Variants in TTK observed in about 807,000 individuals in gnomAD.
The protein encoded by TTK is dual specificity protein kinase TTK.
Under a neutral mutation model 117.3 loss-of-function variants are expected in TTK, and 59 were observed. The ratio of observed to expected loss-of-function variants is 0.50; its 90% CI spans 0.41 to 0.62. TTK has a LOEUF of 0.62. Ranked by LOEUF, TTK falls within the 20% of genes least tolerant of loss-of-function variation. The pLI, the probability that TTK is intolerant of heterozygous loss-of-function variation, is 0.00. For synonymous variants in TTK, 302 were observed against 325.0 expected, an observed-to-expected ratio of 0.93 and a Z score of 0.76; for missense variants, 921 against 989.4, an observed-to-expected ratio of 0.93 and a Z score of 0.93.
rs758133109 is a variant in TTK, at chr6:80,042,250, CT to C, written c.*49del. 6.6e-4 allele frequency: 917 copies of C among 1,399,016 alleles called. 5 individuals carry two copies. The Middle Eastern group carries it at 0.012, about 18-fold the overall frequency. 86.7% of individuals were successfully genotyped at this position (1,399,016 alleles called of 1,614,324 possible). ...GATACCACCTATAAAATATATTGGACTGTTATACTCTTGAATCCCTGTGGAA... is the reference window on the plus strand; with the variant it reads ...GATACCACCTATAAAATATATTGGACGTTATACTCTTGAATCCCTGTGGAA... On this transcript the variant is annotated 3_prime_UTR_variant, in exon 22 of 22. Transcript: ENST00000369798.
chr6:80,031,675 G>A, intron 14 of TTK, 116 bp downstream of exon 14: 1 of 647,422 alleles, frequency 1.5e-6, no homozygotes, highest in Non-Finnish European at 2.4e-6. Flanking sequence ...TGCTGCCCTT[G>A]AGCCAAAAAG....
intron 18 of TTK, 114 bp downstream of exon 18, chr6:80,038,161 T>G: frequency 1.7e-6 from 1 of 581,652 alleles, no homozygotes; most frequent in Non-Finnish European, 2.7e-6. Flanking sequence ...TTTTAGGCCA[T>G]TACAGAGACA....
chr6:80,010,852 G>A lies in TTK; in HGVS notation c.508G>A (p.Val170Ile). ...KKSKQLLQKA[V>I]ERGAVPLEML... Reference sequence around the variant, plus strand: ...AAGTAAACAACTTCTTCAAAAAGCTGTAGAACGTGGAGCAGTACCACTAGA... The same window carrying A: ...AAGTAAACAACTTCTTCAAAAAGCTATAGAACGTGGAGCAGTACCACTAGA... Residue 170 changes from valine (V) to isoleucine (I), a missense_variant, in exon 5 of 22, where the codon GTA becomes ATA. Physicochemically the swap from Val to Ile is conservative, Grantham distance 29 (BLOSUM62 3). Transcript: ENST00000369798. 1 of 1,611,938 alleles carries A rather than the reference G, an allele frequency of 6.2e-7. No individual in the cohort carries two copies. Among genetic ancestry groups the A allele is most frequent in the East Asian group, 2.2e-5 (1 of 44,828 alleles).
chr6:80,007,743 G>T (rs1479971807), intron 2 of TTK, 66 bp from the exon 3 acceptor site: 2 of 1,353,112 alleles, frequency 1.5e-6, no homozygotes, highest in Non-Finnish European at 2.0e-6. Context: ...ATATTTTGAA[G>T]GAAAAATGCA....
intron 9 of TTK, 115 bp downstream of exon 9, chr6:80,013,481 T>C (rs239563): frequency 0.59 from 470,624 of 795,666 alleles, 141,182 homozygotes; most frequent in Admixed American, 0.76. Flanking sequence ...TCTCCAACAG[T>C]GTTCCACATA....
At chr6:80,033,722 G>T (rs1715579855) in intron 14 of TTK, among the ~76,000 whole-genome samples, 1 of 152,076 alleles carries the variant, frequency 6.6e-6, no homozygotes, top group African/African-American at 2.4e-5. Flanking sequence ...ATTGCATAAG[G>T]CTGTCTTATT....
intron 14 of TTK, among the ~76,000 whole-genome samples, chr6:80,034,186 G>A (rs560426100): frequency 1.3e-5 from 2 of 152,252 alleles, no homozygotes; most frequent in South Asian, 4.1e-4. Context: ...TGCTTTGCCT[G>A]TTTCAGAGTT....
At position 80,034,968 on chromosome 6, in the gene TTK, T is replaced by C. The variant is rs1323029066; in HGVS notation, c.1615-17T>C. 6.7e-7 allele frequency: 1 copy of C among 1,493,004 alleles called. No individual in the cohort carries two copies. The highest frequency in any genetic ancestry group is 8.9e-7 in the Non-Finnish European group (1 of 1,122,370). 92.5% of individuals were successfully genotyped at this position (1,493,004 alleles called of 1,614,324 possible). On this transcript the variant is annotated splice_polypyrimidine_tract_variant and intron_variant, in intron 14 of 21. Transcript: ENST00000369798. ...ATAAATAGTATATTCTAAACTTCTC[T>C]TTGTTCTACTCTGTAGGTATTTCAG...
chr6:80,033,346 A>G (rs1387021769), intron 14 of TTK, among the ~76,000 whole-genome samples: 3 of 152,060 alleles, frequency 2.0e-5, no homozygotes, highest in African/African-American at 7.2e-5. Flanking sequence ...CACACTGTAA[A>G]ACTTCAACTC....
At chr6:80,040,942 T>C (rs538285936) in intron 21 of TTK, among the ~76,000 whole-genome samples, 1 of 151,938 alleles carries the variant, frequency 6.6e-6, no homozygotes, top group Non-Finnish European at 1.5e-5. Flanking sequence ...ATTCAAAAGA[T>C]TGCTGTCACG....
chr6:80,033,005 T>A (rs1767799408), intron 14 of TTK, among the ~76,000 whole-genome samples: 2 of 152,326 alleles, frequency 1.3e-5, no homozygotes, highest in Non-Finnish European at 2.9e-5. Context: ...CTCTGCAATA[T>A]TGAAATGTAT....
chr6:80,018,626 CAAAA>C (rs398048650), intron 10 of TTK, among the ~76,000 whole-genome samples: 4 of 87,360 alleles, frequency 4.6e-5, no homozygotes, highest in African/African-American at 4.2e-5. Flanking sequence ...GACTCCGTCT[CAAAA>C]AAAAAAAAAA....
intron 14 of TTK, among the ~76,000 whole-genome samples, chr6:80,033,047 C>T (rs1161531608): frequency 6.6e-6 from 1 of 152,126 alleles, no homozygotes; most frequent in Non-Finnish European, 1.5e-5. Flanking sequence ...GCATGCTATG[C>T]TAATCATCTA....
At chr6:80,023,869 G>C (rs1451106616) in intron 11 of TTK, among the ~76,000 whole-genome samples, 1 of 152,188 alleles carries the variant, frequency 6.6e-6, no homozygotes, top group African/African-American at 2.4e-5. Context: ...TATTGTCATA[G>C]TAAGATCTCT....
chr6:80,039,830 A>G lies in TTK; in HGVS notation c.2265A>G (p.Glu755=). Residue 755 remains glutamate (E), a synonymous_variant, in exon 19 of 22, where the codon GAA becomes GAG. Transcript: ENST00000369798. ...HAIIDPNHEI[E]FPDIPEKDLQ... is the part of the protein sequence containing the mutation. The stretch of plus-strand genomic sequence containing the variant: ...TAATTGATCCTAATCATGAAATTGA[A>G]TTTCCCGATATTCCAGAGAAAGATC... 2.5e-6 allele frequency: 4 copies of G among 1,586,430 alleles called. No homozygotes were observed. The highest frequency in any genetic ancestry group is 3.4e-6 in the Non-Finnish European group (4 of 1,168,616).
intron 10 of TTK, among the ~76,000 whole-genome samples, chr6:80,019,061 C>T (rs1420788386): frequency 6.6e-6 from 1 of 152,066 alleles, no homozygotes; most frequent in African/African-American, 2.4e-5. Context: ...TTTTTTATCT[C>T]CTTTGTCTAT....
chr6:80,013,698 G>A (rs1367975267), intron 9 of TTK: 1 of 170,928 alleles, frequency 5.9e-6, no homozygotes, highest in African/African-American at 2.4e-5. Flanking sequence ...TTTGTTTTTT[G>A]TTATGTTTAA....
intron 10 of TTK, among the ~76,000 whole-genome samples, chr6:80,016,965 C>CT (rs1767323188): frequency 6.6e-6 from 1 of 152,190 alleles, no homozygotes; most frequent in Non-Finnish European, 1.5e-5. Context: ...CCTGCTAGTG[C>CT]TTTCTGGGCC....
chr6:80,014,410 G>A, intron 9 of TTK, 53 bp from the exon 10 acceptor site: 3 of 1,510,676 alleles, frequency 2.0e-6, no homozygotes. Flanking sequence ...CAGTAAGACA[G>A]ATTAGTAGTA....
Sources: gnomAD v4.1 joint callset for allele counts (sites outside exome capture counted in the v4.1 genomes callset) on GRCh38, gnomAD v4.1.1 for gene constraint, MANE v1.5 for transcripts, NCBI Gene and HGNC (gene_info 2026-07-23, HGNC 2026-07-21) for gene names.